PDZRN3: variants seen among roughly 807,000 people sequenced by gnomAD.
PDZRN3 encodes the protein PDZ domain containing ring finger 3.
PDZRN3 carries 38 observed loss-of-function variants against 85.7 expected under a neutral mutation model. That is an observed-to-expected ratio of 0.44 (90% CI 0.34 to 0.58). The LOEUF is 0.58. Ranked by LOEUF, PDZRN3 falls within the 20% of genes least tolerant of loss-of-function variation. PDZRN3 has a pLI of 0.01. For missense variants in PDZRN3, 1,629 were observed against 1,506.4 expected (o/e 1.08, Z -1.35); for synonymous variants, 759 against 638.0 (o/e 1.19, Z -2.86).
chr3:73,435,385 C>A (rs559449936), intron 3 of PDZRN3, among the ~76,000 whole-genome samples: 3 of 152,120 alleles, frequency 2.0e-5, no homozygotes, highest in Non-Finnish European at 1.5e-5. Context: ...ACAGATGGGG[C>A]GGGGCAGCTG....
chr3:73,493,642 G>A (rs940959062), intron 3 of PDZRN3, among the ~76,000 whole-genome samples: 1 of 152,136 alleles, frequency 6.6e-6, no homozygotes, highest in South Asian at 2.1e-4. Flanking sequence ...CACTAGGGCA[G>A]CCATCCCTCC....
At chr3:73,567,548 T>A (rs985295239) in intron 3 of PDZRN3, among the ~76,000 whole-genome samples, 36 of 152,174 alleles carry the variant, frequency 2.4e-4, no homozygotes, top group African/African-American at 8.4e-4. Flanking sequence ...GAATTCCTTC[T>A]AATTCAAAGC....
intron 8 of PDZRN3, among the ~76,000 whole-genome samples, chr3:73,386,122 T>C (rs180859032): frequency 5.8e-4 from 88 of 152,134 alleles, no homozygotes; most frequent in Non-Finnish European, 1.2e-3. Flanking sequence ...ACCTGCTTGC[T>C]GGACCAGACA....
chr3:73,560,709 A>T (rs2106827523), intron 3 of PDZRN3, among the ~76,000 whole-genome samples: 1 of 152,282 alleles, frequency 6.6e-6, no homozygotes, highest in East Asian at 1.9e-4. Flanking sequence ...TCAGCATCAG[A>T]TTAATTTTGT....
chr3:73,580,817 G>A (rs13079376), intron 3 of PDZRN3, among the ~76,000 whole-genome samples: 28,501 of 152,166 alleles, frequency 0.19, 3,050 homozygotes, highest in East Asian at 0.27. Flanking sequence ...ATCTGTGGCT[G>A]AGTAATTCTG....
chr3:73,548,309 AT>A (rs1305081760), intron 3 of PDZRN3, among the ~76,000 whole-genome samples: 3 of 152,220 alleles, frequency 2.0e-5, no homozygotes, highest in Non-Finnish European at 4.4e-5. Flanking sequence ...GCTCCAAAAC[AT>A]TGAATATTTT....
chr3:73,524,984 T>C (rs908853442), intron 3 of PDZRN3, among the ~76,000 whole-genome samples: 2 of 149,244 alleles, frequency 1.3e-5, no homozygotes, highest in African/African-American at 4.9e-5. Context: ...ATCACAGATA[T>C]AAGAAATTAT....
intron 1 of PDZRN3, among the ~76,000 whole-genome samples, chr3:73,620,368 C>CA (rs1702837846): frequency 1.3e-5 from 2 of 152,064 alleles, no homozygotes; most frequent in South Asian, 4.1e-4. Context: ...GAAAGAAAAG[C>CA]AAAAAAGATG....
chr3:73,466,173 C>A (rs1211791702), intron 3 of PDZRN3, among the ~76,000 whole-genome samples: 1 of 152,144 alleles, frequency 6.6e-6, no homozygotes, highest in Non-Finnish European at 1.5e-5. Context: ...TTTTCCCCTA[C>A]TAGAGGGTAA....
chr3:73,509,200 A>C (rs1029726369), intron 3 of PDZRN3, among the ~76,000 whole-genome samples: 1 of 152,128 alleles, frequency 6.6e-6, no homozygotes, highest in Non-Finnish European at 1.5e-5. Context: ...TTCCTTTTTT[A>C]CTTTCCAAGC....
At chr3:73,539,292 TC>T (rs1445665870) in intron 3 of PDZRN3, among the ~76,000 whole-genome samples, 2 of 152,222 alleles carry the variant, frequency 1.3e-5, no homozygotes, top group Non-Finnish European at 2.9e-5. Flanking sequence ...TGAGATAGTT[TC>T]AATCAAGGGA....
Position 73,383,462 on chromosome 3 carries a change from T to A in PDZRN3, c.3104A>T (p.Asp1035Val). 1 of 1,614,180 alleles carries A rather than the reference T, an allele frequency of 6.2e-7. No individual in the cohort carries two copies. The highest frequency in any genetic ancestry group is 8.5e-7 in the Non-Finnish European group (1 of 1,180,016). ...MMKKRNKKIF[D>V]NWMTIQELLT... ...GAGTTCTTGGATCGTCATCCAGTTATCGAAGATTTTCTTATTCCTCTTCTT... is the reference window on the plus strand; with the variant it reads ...GAGTTCTTGGATCGTCATCCAGTTAACGAAGATTTTCTTATTCCTCTTCTT... Residue 1035 changes from aspartate to valine, a missense_variant, in exon 10 of 10, where the codon GAT becomes GTT. Transcript: ENST00000263666.
chr3:73,426,971 T>G (rs1193024428), intron 3 of PDZRN3, among the ~76,000 whole-genome samples: 28 of 152,290 alleles, frequency 1.8e-4, no homozygotes, highest in Non-Finnish European at 4.4e-5. Context: ...AACTGAACAT[T>G]AGTGCCAATA....
chr3:73,511,685 G>T (rs533245208), intron 3 of PDZRN3, among the ~76,000 whole-genome samples: 37 of 152,206 alleles, frequency 2.4e-4, no homozygotes, highest in Non-Finnish European at 5.3e-4. Flanking sequence ...AGCGGGGCAT[G>T]TTGTAAAAAG....
rs137972432 is a variant in PDZRN3, at chr3:73,509,291, G to A, written c.918+93063C>T. On this transcript the variant is annotated intron_variant, in intron 3 of 9. Transcript: ENST00000263666. ...AGATGGGATGGTCTCAGGGCAACAC[G>A]CTCACTAAGCATCTACCATGCAACA... 1.2e-3 allele frequency among the ~76,000 whole-genome samples: 183 copies of A among 152,298 alleles called. 1 individual carries two copies. Among genetic ancestry groups the A allele is most frequent in the African/African-American group, 3.2e-3 (133 of 41,560 alleles).
chr3:73,564,025 G>A lies in PDZRN3; in HGVS notation c.918+38329C>T, dbSNP rs189011863. Among the ~76,000 whole-genome samples the A allele has an allele frequency of 7.2e-5, 11 of 152,288 alleles. No individual in the cohort carries two copies. The East Asian group carries it at 2.1e-3, about 29-fold the overall frequency. ...TCTCCCCCTGGGCTTCTGGGCTGCT[G>A]TGAGCACGGTTGCTGGTTTAGAGGC... On this transcript the variant is annotated intron_variant, in intron 3 of 9. Coordinates refer to ENST00000263666, the MANE Select transcript of PDZRN3 (RefSeq NM_015009.3).
intron 2 of PDZRN3, among the ~76,000 whole-genome samples, chr3:73,608,105 G>A (rs1365380580): frequency 6.6e-6 from 1 of 152,168 alleles, no homozygotes; most frequent in Admixed American, 6.5e-5. Flanking sequence ...GCTGATGAAT[G>A]TGGTGGTCAA....
At chr3:73,622,246 C>T (rs1443059572) in intron 1 of PDZRN3, among the ~76,000 whole-genome samples, 2 of 152,140 alleles carry the variant, frequency 1.3e-5, no homozygotes, top group Non-Finnish European at 2.9e-5. Flanking sequence ...TGGCCAGCTG[C>T]TGAGACTGCA....
chr3:73,579,828 C>CTG lies in PDZRN3; in HGVS notation c.918+22524_918+22525dup, dbSNP rs893894162. Among the ~76,000 whole-genome samples the CTG allele has an allele frequency of 7.6e-3, 1,155 of 151,156 alleles. 17 individuals carry two copies. Among genetic ancestry groups the CTG allele is most frequent in the African/African-American group, 0.025 (1,046 of 41,204 alleles). On this transcript the variant is annotated intron_variant, in intron 3 of 9. Transcript: ENST00000263666. ...CTATCCCATTATGTATGGAGTGTCT[C>CTG]TGTGTGTGTGTGTGTGTATATATAT...
Sources: allele counts gnomAD v4.1 joint callset (sites outside exome capture counted in the v4.1 genomes callset), GRCh38; gene constraint gnomAD v4.1.1; transcripts MANE v1.5; gene names NCBI Gene and HGNC (gene_info 2026-07-23, HGNC 2026-07-21).